UBR3: variants seen among roughly 807,000 people sequenced by gnomAD.
The protein encoded by UBR3 is ubiquitin protein ligase E3 component n-recognin 3.
UBR3 carries 85 observed loss-of-function variants against 243.2 expected under a neutral mutation model. The observed-to-expected ratio is 0.35, with a 90% CI of 0.29 to 0.42. The LOEUF is 0.42. UBR3 is among the 10% of genes least tolerant of loss of function. The pLI, the probability that UBR3 is intolerant of heterozygous loss-of-function variation, is 1.00. For missense variants in UBR3, 1,686 were observed against 2,300.8 expected, an observed-to-expected ratio of 0.73 and a Z score of 5.47; for synonymous variants, 748 against 799.8, an observed-to-expected ratio of 0.94 and a Z score of 1.09.
At chr2:169,841,965 C>T (rs1321369619) in intron 1 of UBR3, among the ~76,000 whole-genome samples, 3 of 152,342 alleles carry the variant, frequency 2.0e-5, no homozygotes, top group East Asian at 3.9e-4. Context: ...AGCCCCGGTG[C>T]GGGATCCACT....
chr2:169,881,162 C>T (rs1184752635), intron 5 of UBR3, among the ~76,000 whole-genome samples: 8 of 151,914 alleles, frequency 5.3e-5, no homozygotes, highest in Non-Finnish European at 4.4e-5. Flanking sequence ...GTAGTTTAGA[C>T]CCTTTGACCT....
At chr2:170,015,388 A>G in intron 30 of UBR3, 22 bp downstream of exon 30, 1 of 1,565,352 alleles carries the variant, frequency 6.4e-7, no homozygotes, top group Non-Finnish European at 8.7e-7. Context: ...ATACTGCTAA[A>G]TTTAAAAAAA....
intron 11 of UBR3, among the ~76,000 whole-genome samples, chr2:169,922,578 A>G (rs937702514): frequency 1.3e-5 from 2 of 152,132 alleles, no homozygotes; most frequent in Non-Finnish European, 2.9e-5. Context: ...AATTGAAACT[A>G]TACTCATTAA....
intron 29 of UBR3, 95 bp from the exon 30 acceptor site, chr2:170,015,182 TGAAG>T: frequency 5.0e-6 from 5 of 1,000,314 alleles, no homozygotes; most frequent in Non-Finnish European, 7.2e-6. Context: ...AAAATAAAGT[TGAAG>T]AACTTTATTT....
intron 1 of UBR3, among the ~76,000 whole-genome samples, chr2:169,832,277 G>A (rs968202376): frequency 1.3e-5 from 2 of 152,188 alleles, no homozygotes; most frequent in African/African-American, 2.4e-5. Context: ...GTGGCTGGGC[G>A]CGGTGGCTCA....
chr2:169,995,014 G>C (rs2105394887), intron 26 of UBR3, among the ~76,000 whole-genome samples: 1 of 152,266 alleles, frequency 6.6e-6, no homozygotes, highest in African/African-American at 2.4e-5. Flanking sequence ...CTGCGGGATA[G>C]GCTCCAGCCA....
At chr2:169,932,219 A>G (rs2086160400) in intron 18 of UBR3, among the ~76,000 whole-genome samples, 1 of 151,900 alleles carries the variant, frequency 6.6e-6, no homozygotes, top group Admixed American at 6.6e-5. Flanking sequence ...CTGGGATTAC[A>G]GGTGTGCGCC....
intron 1 of UBR3, among the ~76,000 whole-genome samples, chr2:169,852,883 A>AAAAAC (rs1491293579): frequency 1.3e-4 from 8 of 59,848 alleles, no homozygotes; most frequent in South Asian, 5.4e-4. Context: ...AAAAAACAAA[A>AAAAAC]CCAAACAAAT....
rs1255937396 is a variant in UBR3, at chr2:169,857,064, G to GTTTTGTTTTTTTTTTTTTTTTTTTT, written c.546-15168_546-15167insGTTTTTTTTTTTTTTTTTTTTTTTT. Reference sequence around the variant, plus strand: ...ATGATTTCCAGCATAATTTTATTATGTTTTTTTTTTTTTTTTTTTTTTTTT... The same window carrying GTTTTGTTTTTTTTTTTTTTTTTTTT: ...ATGATTTCCAGCATAATTTTATTATGTTTTGTTTTTTTTTTTTTTTTTTTTTTTTTTTTTTTTTTTTTTTTTTTTT... On this transcript the variant is annotated intron_variant, in intron 1 of 38. Transcript: ENST00000272793. Among the ~76,000 whole-genome samples, 4 of 56,082 alleles carry GTTTTGTTTTTTTTTTTTTTTTTTTT rather than the reference G, an allele frequency of 7.1e-5. 2 individuals are homozygous for GTTTTGTTTTTTTTTTTTTTTTTTTT. The highest frequency in any genetic ancestry group is 6.4e-5 in the Non-Finnish European group (2 of 31,394). 36.8% of individuals were successfully genotyped at this position (56,082 alleles called of 152,430 possible).
In UBR3 at chr2:169,922,677, CAT is replaced by C. The variant is rs1459663731; in HGVS notation, c.1867-1248_1867-1247del. On this transcript the variant is annotated intron_variant, in intron 11 of 38. Transcript: ENST00000272793. ...ACGAATTTGGCTGCTCTAAGAACCT[CAT>C]ATAGGTGGAATCATATAGTTACTGT... is the stretch of plus-strand genomic sequence containing the variant. Among the ~76,000 whole-genome samples the C allele has an allele frequency of 2.0e-5, 3 of 152,158 alleles. No individual in the cohort carries two copies. In the East Asian group the frequency reaches 5.8e-4, roughly 29 times the overall value.
chr2:169,945,015 G>C (rs1159749739), intron 20 of UBR3, among the ~76,000 whole-genome samples: 1 of 151,988 alleles, frequency 6.6e-6, no homozygotes, highest in African/African-American at 2.4e-5. Flanking sequence ...CACATCATTG[G>C]CACCACCCAC....
chr2:170,050,822 T>C (rs779012885), intron 32 of UBR3, among the ~76,000 whole-genome samples: 4 of 152,182 alleles, frequency 2.6e-5, no homozygotes, highest in Admixed American at 6.5e-5. Flanking sequence ...AATAAACATC[T>C]GTTAAATGAA....
chr2:170,066,820 C>T (rs2105451280), intron 35 of UBR3, among the ~76,000 whole-genome samples: 2 of 152,064 alleles, frequency 1.3e-5, no homozygotes, highest in South Asian at 4.2e-4. Flanking sequence ...AAAAATTAGC[C>T]AGGCATGGTG....
intron 31 of UBR3, among the ~76,000 whole-genome samples, chr2:170,039,996 G>A (rs762392610): frequency 6.6e-6 from 1 of 151,950 alleles, no homozygotes; most frequent in Non-Finnish European, 1.5e-5. Context: ...AGCCTCCCAT[G>A]CCTATTGGGA....
At chr2:169,872,158 A>G in intron 1 of UBR3, 78 bp from the exon 2 acceptor site, 1 of 1,054,006 alleles carries the variant, frequency 9.5e-7, no homozygotes, top group Non-Finnish European at 1.3e-6. Context: ...TATTCCATTT[A>G]CGAATATTGT....
intron 36 of UBR3, among the ~76,000 whole-genome samples, chr2:170,074,571 C>T (rs7608450): frequency 0.067 from 10,266 of 152,170 alleles, 364 homozygotes; most frequent in Non-Finnish European, 0.085. Flanking sequence ...CATAAGTATG[C>T]TATACATTTT....
At chr2:170,025,657 T>G (rs527489077) in intron 30 of UBR3, among the ~76,000 whole-genome samples, 1 of 152,298 alleles carries the variant, frequency 6.6e-6, no homozygotes, top group African/African-American at 2.4e-5. Flanking sequence ...AAAGGCATAC[T>G]GCTGAGTGAG....
chr2:169,878,666 C>A, intron 5 of UBR3, 92 bp downstream of exon 5: 1 of 1,187,672 alleles, frequency 8.4e-7, no homozygotes. Context: ...AGTTCTGAAA[C>A]TGTATAGATT....
intron 1 of UBR3, among the ~76,000 whole-genome samples, chr2:169,859,306 C>G (rs1424076505): frequency 6.6e-6 from 1 of 152,016 alleles, no homozygotes; most frequent in African/African-American, 2.4e-5. Context: ...CTCCTGACCT[C>G]GTGATCCACC....
Sources: gnomAD v4.1 joint callset for allele counts (sites outside exome capture counted in the v4.1 genomes callset) on GRCh38, gnomAD v4.1.1 for gene constraint, MANE v1.5 for transcripts, NCBI Gene and HGNC (gene_info 2026-07-23, HGNC 2026-07-21) for gene names.